Variants in EXT1 observed in about 807,000 individuals in gnomAD.
EXT1 encodes the protein exostosin glycosyltransferase 1.
A neutral mutation model predicts 82.5 loss-of-function variants in EXT1; 20 were observed. The observed-to-expected ratio is 0.24, with a 90% confidence interval of 0.17 to 0.35. EXT1 has a LOEUF of 0.35. Among genes scored for constraint, EXT1 ranks in the 10% least tolerant of loss-of-function variants. The pLI, the probability that EXT1 is intolerant of heterozygous loss-of-function variation, is 1.00. For missense variants in EXT1, 757 were observed against 936.5 expected, an observed-to-expected ratio of 0.81 and a Z score of 2.50; for synonymous variants, 348 against 350.8, an observed-to-expected ratio of 0.99 and a Z score of 0.09.
intron 1 of EXT1, among the ~76,000 whole-genome samples, chr8:117,912,516 C>T (rs1813666910): frequency 6.6e-6 from 1 of 151,970 alleles, no homozygotes; most frequent in Non-Finnish European, 1.5e-5. Context: ...GAGAGAAAAC[C>T]ATGGGCTTAC....
In EXT1 at chr8:117,837,092, C is replaced by A; in HGVS notation, c.1056+16G>T. 1 of 1,605,326 alleles carries A rather than the reference C, an allele frequency of 6.2e-7. No individual in the cohort carries two copies. The highest frequency in any genetic ancestry group is 8.5e-7 in the Non-Finnish European group (1 of 1,172,048). ...GGTCCTCAGCCCTATTCTGGGAAGG[C>A]TCCAGGGCCTCTTACCTGCAAAGCC... On this transcript the variant is annotated intron_variant, in intron 2 of 10. Coordinates refer to ENST00000378204, the MANE Select transcript of EXT1 (RefSeq NM_000127.3).
intron 5 of EXT1, among the ~76,000 whole-genome samples, chr8:117,821,401 C>T (rs1462392578): frequency 6.6e-6 from 1 of 152,184 alleles, no homozygotes; most frequent in Non-Finnish European, 1.5e-5. Flanking sequence ...ATCATTTATA[C>T]ACCTCTAATG....
At chr8:117,928,767 A>G (rs1586290404) in intron 1 of EXT1, among the ~76,000 whole-genome samples, 1 of 135,984 alleles carries the variant, frequency 7.4e-6, no homozygotes, top group East Asian at 2.0e-4. Flanking sequence ...AGTCAATATT[A>G]AAAAAAAAAA....
intron 1 of EXT1, among the ~76,000 whole-genome samples, chr8:117,875,135 G>A (rs1366573361): frequency 6.6e-6 from 1 of 151,986 alleles, no homozygotes; most frequent in Non-Finnish European, 1.5e-5. Context: ...TAGGGGATGG[G>A]GCCAGGCGCC....
chr8:118,058,110 A>C (rs1340894971), intron 1 of EXT1, among the ~76,000 whole-genome samples: 1 of 152,082 alleles, frequency 6.6e-6, no homozygotes, highest in Non-Finnish European at 1.5e-5. Flanking sequence ...CAACACTTCC[A>C]CATCAAATAA....
intron 1 of EXT1, among the ~76,000 whole-genome samples, chr8:117,951,254 T>C (rs1459464650): frequency 6.6e-6 from 1 of 152,214 alleles, no homozygotes; most frequent in Non-Finnish European, 1.5e-5. Flanking sequence ...ATGATTTGTA[T>C]ATTTCCCTAC....
intron 1 of EXT1, among the ~76,000 whole-genome samples, chr8:117,942,537 G>A (rs1473062681): frequency 2.0e-5 from 3 of 152,060 alleles, no homozygotes; most frequent in African/African-American, 7.2e-5. Flanking sequence ...CATGGAGAAA[G>A]CCCATCTCTA....
intron 1 of EXT1, among the ~76,000 whole-genome samples, chr8:117,944,720 G>A (rs1814353182): frequency 6.6e-6 from 1 of 151,938 alleles, no homozygotes; most frequent in Non-Finnish European, 1.5e-5. Context: ...TAAAAGAACA[G>A]GCAATTTTCA....
At chr8:117,819,621 G>A in intron 6 of EXT1, 55 bp downstream of exon 6, 1 of 1,483,126 alleles carries the variant, frequency 6.7e-7, no homozygotes, top group Non-Finnish European at 9.4e-7. Context: ...GGAGGGCGGA[G>A]TCTCTGGTCT....
Position 117,861,887 on chromosome 8 carries a change from A to G in EXT1, c.963-24686T>C, listed in dbSNP as rs1286956490. Among the ~76,000 whole-genome samples, 2 of 144,890 alleles carry G rather than the reference A, an allele frequency of 1.4e-5. 1 individual carries two copies. Among genetic ancestry groups the G allele is most frequent in the Non-Finnish European group, 3.1e-5 (2 of 64,538 alleles). ...TCTCTGAGACATCTTGCAGAGAGGT[A>G]ATCCCTAAATGATGCAAATCTGGTG... On this transcript the variant is annotated intron_variant, in intron 1 of 10. Transcript: ENST00000378204.
intron 10 of EXT1, among the ~76,000 whole-genome samples, chr8:117,802,971 A>G (rs996315301): frequency 4.6e-5 from 7 of 152,240 alleles, no homozygotes; most frequent in African/African-American, 1.7e-4. Flanking sequence ...ATGAAAAACT[A>G]TCAGCTTAAC....
At chr8:117,898,695 C>T (rs931485211) in intron 1 of EXT1, among the ~76,000 whole-genome samples, 5 of 151,382 alleles carry the variant, frequency 3.3e-5, no homozygotes, top group African/African-American at 1.2e-4. Flanking sequence ...CCAGGCAGAG[C>T]AGGATGTAAG....
chr8:117,805,315 A>T (rs1363415599), intron 9 of EXT1, among the ~76,000 whole-genome samples: 3 of 152,194 alleles, frequency 2.0e-5, no homozygotes, highest in African/African-American at 7.2e-5. Flanking sequence ...CTGCTTAACA[A>T]TTTTAATCAT....
At chr8:118,002,997 G>A (rs1815704054) in intron 1 of EXT1, among the ~76,000 whole-genome samples, 2 of 152,032 alleles carry the variant, frequency 1.3e-5, no homozygotes, top group African/African-American at 2.4e-5. Flanking sequence ...ATCAGTCAAC[G>A]AGTGGATAAA....
At chr8:117,870,163 C>T (rs569831920) in intron 1 of EXT1, among the ~76,000 whole-genome samples, 8 of 152,046 alleles carry the variant, frequency 5.3e-5, no homozygotes, top group Non-Finnish European at 1.2e-4. Flanking sequence ...CAATTATTTC[C>T]GTGATGGCTC....
At chr8:117,897,905 C>T (rs954057720) in intron 1 of EXT1, among the ~76,000 whole-genome samples, 3 of 152,110 alleles carry the variant, frequency 2.0e-5, no homozygotes, top group Admixed American at 6.5e-5. Context: ...ACCCAGCCGC[C>T]TGGAATTTTT....
At chr8:117,818,625 G>A in intron 6 of EXT1, 95 bp from the exon 7 acceptor site, 1 of 1,032,192 alleles carries the variant, frequency 9.7e-7, no homozygotes, top group Admixed American at 1.7e-5. Flanking sequence ...AAGAGAAAGA[G>A]GAGCTGGAAA....
At chr8:118,036,507 T>A (rs561325814) in intron 1 of EXT1, among the ~76,000 whole-genome samples, 5 of 152,330 alleles carry the variant, frequency 3.3e-5, no homozygotes, top group African/African-American at 1.2e-4. Context: ...TGCTTTACAA[T>A]AGTAATTCCA....
At chr8:117,897,844 C>T (rs1026948850) in intron 1 of EXT1, among the ~76,000 whole-genome samples, 10 of 151,986 alleles carry the variant, frequency 6.6e-5, no homozygotes, top group African/African-American at 1.5e-4. Context: ...CTCAAGCGAT[C>T]TGCCCTCCTC....
Sources: allele counts gnomAD v4.1 joint callset (sites outside exome capture counted in the v4.1 genomes callset), GRCh38; gene constraint gnomAD v4.1.1; transcripts MANE v1.5; gene names NCBI Gene and HGNC (gene_info 2026-07-23, HGNC 2026-07-21).